The following CSMD2 variants were observed in gnomAD, a reference collection of about 807,000 sequenced individuals.
CSMD2 encodes CUB and sushi domain-containing protein 2.
CSMD2 carries 130 observed loss-of-function variants against 398.5 expected under a neutral mutation model. The observed-to-expected ratio is 0.33, with a 90% CI of 0.28 to 0.38. The LOEUF is 0.38. CSMD2 is among the 10% of genes least tolerant of loss of function. The pLI, the probability that CSMD2 is intolerant of heterozygous loss-of-function variation, is 1.00. For missense variants in CSMD2, 3,829 were observed against 4,764.9 expected, an observed-to-expected ratio of 0.80 and a Z score of 5.78; for synonymous variants, 1,828 against 1,908.5, an observed-to-expected ratio of 0.96 and a Z score of 1.10.
chr1:34,161,901 G>A (rs1046975920), intron 1 of CSMD2, among the ~76,000 whole-genome samples: 4 of 152,048 alleles, frequency 2.6e-5, no homozygotes, highest in African/African-American at 4.8e-5. Context: ...GGCCAGGTGC[G>A]GTGGATCACG....
intron 4 of CSMD2, among the ~76,000 whole-genome samples, chr1:33,925,977 CT>C (rs1217222384): frequency 5.9e-5 from 9 of 152,202 alleles, no homozygotes; most frequent in Non-Finnish European, 1.3e-4. Flanking sequence ...CCAAGTGCTG[CT>C]TCCTCGAGGA....
At chr1:33,674,551 A>G (rs1455019623) in intron 25 of CSMD2, among the ~76,000 whole-genome samples, 4 of 152,188 alleles carry the variant, frequency 2.6e-5, no homozygotes, top group African/African-American at 9.7e-5. Context: ...CAGATCAACA[A>G]GACAGAAAGT....
At chr1:33,882,673 C>A (rs1343296017) in intron 5 of CSMD2, among the ~76,000 whole-genome samples, 2 of 152,134 alleles carry the variant, frequency 1.3e-5, no homozygotes, top group Non-Finnish European at 2.9e-5. Context: ...ATGGAGGTAC[C>A]TATCTCTTTG....
At chr1:33,676,162 T>C (rs560583984) in intron 25 of CSMD2, among the ~76,000 whole-genome samples, 2 of 152,260 alleles carry the variant, frequency 1.3e-5, no homozygotes, top group Non-Finnish European at 2.9e-5. Flanking sequence ...AAAGAGGAAA[T>C]AAAATTGTCC....
At chr1:33,936,503 A>G (rs1644484444) in intron 3 of CSMD2, among the ~76,000 whole-genome samples, 1 of 152,210 alleles carries the variant, frequency 6.6e-6, no homozygotes, top group Admixed American at 6.5e-5. Flanking sequence ...GTGAAGTGGG[A>G]AAACAAGAAC....
chr1:33,971,083 T>C (rs1317656365), intron 3 of CSMD2, among the ~76,000 whole-genome samples: 2 of 152,132 alleles, frequency 1.3e-5, no homozygotes, highest in Non-Finnish European at 2.9e-5. Context: ...ATTATCATTA[T>C]CATTATGGCA....
rs996777147 is a variant in CSMD2 at position 34,031,082 on chromosome 1, G to A, written c.517+1512C>T. 2.6e-5 allele frequency among the ~76,000 whole-genome samples: 4 copies of A among 151,860 alleles called. No homozygotes were observed. In the East Asian group the frequency reaches 7.8e-4, roughly 30 times the overall value. ...GACAAAAATCACAGGCTTGATATTGGTAGGAACTTTTTTTTTTTTTTTTGA... is the reference window on the plus strand; with the variant it reads ...GACAAAAATCACAGGCTTGATATTGATAGGAACTTTTTTTTTTTTTTTTGA... On this transcript the variant is annotated intron_variant, in intron 3 of 70. Transcript: ENST00000373381.
intron 1 of CSMD2, among the ~76,000 whole-genome samples, chr1:34,090,303 C>T (rs1558368222): frequency 6.6e-6 from 1 of 152,172 alleles, no homozygotes; most frequent in Admixed American, 6.5e-5. Flanking sequence ...CTTTGAGCAG[C>T]AATGCCCTGA....
intron 14 of CSMD2, among the ~76,000 whole-genome samples, chr1:33,742,719 A>G (rs1355423701): frequency 6.6e-6 from 1 of 152,034 alleles, no homozygotes; most frequent in Non-Finnish European, 1.5e-5. Flanking sequence ...CAGAGGGGCT[A>G]TGAGGAAATT....
intron 29 of CSMD2, among the ~76,000 whole-genome samples, chr1:33,640,665 A>T (rs1368071845): frequency 6.6e-6 from 1 of 152,198 alleles, no homozygotes; most frequent in Non-Finnish European, 1.5e-5. Context: ...ATCCGAAATG[A>T]GATACCAAGC....
intron 10 of CSMD2, among the ~76,000 whole-genome samples, chr1:33,804,525 C>A (rs2124936103): frequency 1.3e-5 from 2 of 151,138 alleles, no homozygotes; most frequent in Admixed American, 1.3e-4. Flanking sequence ...GCGCTCTGGA[C>A]ATGCCTCCAT....
intron 6 of CSMD2, among the ~76,000 whole-genome samples, chr1:33,844,606 G>C (rs1355122336): frequency 6.6e-6 from 1 of 152,152 alleles, no homozygotes; most frequent in Admixed American, 6.5e-5. Flanking sequence ...GAGCATGCCA[G>C]ACCCAAATCA....
At chr1:34,046,110 G>A (rs763506707) in intron 2 of CSMD2, among the ~76,000 whole-genome samples, 11 of 152,166 alleles carry the variant, frequency 7.2e-5, no homozygotes, top group Admixed American at 2.0e-4. Context: ...GCTACCTTCC[G>A]TTAGATGACA....
rs776879287 is a variant in CSMD2, at chr1:33,698,932, A to G, written c.3746T>C (p.Ile1249Thr). The change falls in exon 24 of 71, where the codon ATC (isoleucine) becomes ACC (threonine). Residue 1249 changes from isoleucine to threonine, a missense_variant. Physicochemically the swap from Ile to Thr is moderately conservative, Grantham distance 89. Transcript: ENST00000373381. ...GGGGGTTCCTGGGTCCTCACATTTG[A>G]TGAGTTCAAAGCCTGGTGAGGAGAG... The part of the protein sequence containing the change: ...FELHFSSFEL[I>T]KCEDPGTPKF... 5.0e-6 allele frequency: 8 copies of G among 1,613,862 alleles called. No homozygotes were observed. The highest frequency in any genetic ancestry group is 6.8e-6 in the Non-Finnish European group (8 of 1,179,876).
At chr1:34,022,388 A>C (rs577430182) in intron 3 of CSMD2, among the ~76,000 whole-genome samples, 2 of 152,338 alleles carry the variant, frequency 1.3e-5, no homozygotes, top group East Asian at 3.9e-4. Context: ...GCTGGCTACT[A>C]TCTGGACGAG....
At chr1:33,656,684 G>A (rs965013623) in intron 27 of CSMD2, among the ~76,000 whole-genome samples, 1 of 152,244 alleles carries the variant, frequency 6.6e-6, no homozygotes, top group African/African-American at 2.4e-5. Context: ...AGGAAAATGA[G>A]AGGCTTTGCA....
chr1:33,583,933 G>A lies in CSMD2; in HGVS notation c.7052-103C>T. 3 of 937,310 alleles carry A rather than the reference G, an allele frequency of 3.2e-6. No homozygotes were observed. The East Asian group carries it at 7.3e-5, about 23-fold the overall frequency. The allele number at this position is 937,310 out of a possible 1,614,324, so 58.1% of individuals were successfully genotyped here. A position where few individuals can be genotyped will look rare whatever the true frequency, so the allele number is the denominator to read the frequency against. On this transcript the variant is annotated intron_variant, in intron 46 of 70. Transcript: ENST00000373381. ...ACTAAAGACAACCCCTAGAAAATCA[G>A]TATTTGAGCACATTCAGATAAGATC...
chr1:33,999,568 T>A (rs942702130), intron 3 of CSMD2, among the ~76,000 whole-genome samples: 1 of 151,914 alleles, frequency 6.6e-6, no homozygotes, highest in South Asian at 2.1e-4. Context: ...GCTAATTTTT[T>A]TTTTTGGTAG....
chr1:33,766,013 A>T (rs1014716665), intron 13 of CSMD2, among the ~76,000 whole-genome samples: 1 of 152,218 alleles, frequency 6.6e-6, no homozygotes, highest in East Asian at 1.9e-4. Context: ...CACCTCTTTT[A>T]TACCTCTTAC....
Sources: allele counts gnomAD v4.1 joint callset (sites outside exome capture counted in the v4.1 genomes callset), GRCh38; gene constraint gnomAD v4.1.1; transcripts MANE v1.5; gene names NCBI Gene and HGNC (gene_info 2026-07-23, HGNC 2026-07-21).